The following ATRNL1 variants were observed in gnomAD, a reference collection of about 807,000 sequenced individuals.
The protein encoded by ATRNL1 is attractin like 1, also known as attractin-like protein 1.
Under a neutral mutation model 182.7 loss-of-function variants are expected in ATRNL1, and 95 were observed. That is an observed-to-expected ratio of 0.52 (90% CI 0.44 to 0.62). ATRNL1 has a LOEUF of 0.62. Ranked by LOEUF, ATRNL1 falls within the 20% of genes least tolerant of loss-of-function variation. ATRNL1 has a pLI of 0.00. For missense variants in ATRNL1, 1,471 were observed against 1,679.5 expected, an observed-to-expected ratio of 0.88 and a Z score of 2.17; for synonymous variants, 576 against 568.3, an observed-to-expected ratio of 1.01 and a Z score of -0.19.
chr10:115,581,061 T>C (rs1384517176), intron 26 of ATRNL1, among the ~76,000 whole-genome samples: 6 of 152,156 alleles, frequency 3.9e-5, no homozygotes, highest in Admixed American at 2.0e-4. Context: ...CTTGGTTTTT[T>C]ATTCGGAGCA....
intron 26 of ATRNL1, among the ~76,000 whole-genome samples, chr10:115,593,700 C>G (rs2133924005): frequency 6.6e-6 from 1 of 152,240 alleles, no homozygotes; most frequent in Non-Finnish European, 1.5e-5. Context: ...CAATACATCT[C>G]TATTTTAATG....
chr10:115,437,293 T>C (rs1554964948), intron 21 of ATRNL1, among the ~76,000 whole-genome samples: 1 of 152,056 alleles, frequency 6.6e-6, no homozygotes, highest in South Asian at 2.1e-4. Context: ...ACATGTAAGA[T>C]ACGGTCTTTA....
At chr10:115,621,276 T>TATATATATATATATAGAGAGAGAG (rs1268020830) in intron 26 of ATRNL1, among the ~76,000 whole-genome samples, 6 of 47,578 alleles carry the variant, frequency 1.3e-4, no homozygotes, top group African/African-American at 2.9e-4. Flanking sequence ...TATATATATA[T>TATATATATATATATAGAGAGAGAG]AGAGAGAGAG....
chr10:115,363,539 A>C (rs1243543645), intron 19 of ATRNL1, among the ~76,000 whole-genome samples: 6 of 145,138 alleles, frequency 4.1e-5, no homozygotes, highest in Non-Finnish European at 9.1e-5. Flanking sequence ...CCCATTTGTC[A>C]ATTTTGTCTT....
intron 19 of ATRNL1, among the ~76,000 whole-genome samples, chr10:115,388,846 T>A (rs547077112): frequency 6.6e-6 from 1 of 152,246 alleles, no homozygotes; most frequent in Non-Finnish European, 1.5e-5. Flanking sequence ...TAATTATATG[T>A]ATTATATGTT....
intron 4 of ATRNL1, among the ~76,000 whole-genome samples, 168 bp downstream of exon 4, chr10:115,127,889 A>C (rs1174607910): frequency 6.6e-6 from 1 of 152,186 alleles, no homozygotes; most frequent in Non-Finnish European, 1.5e-5. Context: ...AATCTTAATA[A>C]TATGCCACAA....
At chr10:115,176,518 AT>A (rs202232046) in intron 8 of ATRNL1, among the ~76,000 whole-genome samples, 1 of 152,098 alleles carries the variant, frequency 6.6e-6, no homozygotes, top group Non-Finnish European at 1.5e-5. Flanking sequence ...GATCTGTTGG[AT>A]TTTTTAAAAA....
chr10:115,461,635 A>G lies in ATRNL1; in HGVS notation c.3323-306A>G, dbSNP rs190691147. Among the ~76,000 whole-genome samples, 356 of 152,196 alleles carry G rather than the reference A, an allele frequency of 2.3e-3. 1 individual carries two copies. The highest frequency in any genetic ancestry group is 8.0e-3 in the African/African-American group (331 of 41,586). Reference sequence around the variant, plus strand: ...TGTATTTCCTTCTAGTTATAAAATTATAGATAATTTTTATTTTATTCACTT... The same window carrying G: ...TGTATTTCCTTCTAGTTATAAAATTGTAGATAATTTTTATTTTATTCACTT... On this transcript the variant is annotated intron_variant, in intron 21 of 28. Transcript: ENST00000355044.
At chr10:115,661,748 G>C (rs908595946) in intron 26 of ATRNL1, among the ~76,000 whole-genome samples, 1 of 151,354 alleles carries the variant, frequency 6.6e-6, no homozygotes. Context: ...ATGCTATGGA[G>C]CTTGGCTGTG....
chr10:115,328,380 A>G lies in ATRNL1; in HGVS notation c.3038-5902A>G, dbSNP rs1271750426. Among the ~76,000 whole-genome samples, 3 of 152,162 alleles carry G rather than the reference A, an allele frequency of 2.0e-5. No individual in the cohort carries two copies. In the East Asian group the frequency reaches 5.8e-4, roughly 29 times the overall value. ...GTATATGTTGTATAATGGTCGAATC[A>G]TGGTAATTAACATATCTATTACCTT... On this transcript the variant is annotated intron_variant, in intron 18 of 28. Coordinates refer to ENST00000355044, the MANE Select transcript of ATRNL1 (RefSeq NM_207303.4).
intron 25 of ATRNL1, among the ~76,000 whole-genome samples, chr10:115,539,985 TG>T (rs1565148113): frequency 2.1e-5 from 1 of 48,526 alleles, no homozygotes; most frequent in African/African-American, 8.4e-5. Context: ...TGTTATGGGG[TG>T]GGGGGAGGGG....
Position 115,121,739 on chromosome 10 carries a change from A to G in ATRNL1, c.418A>G (p.Thr140Ala). 2 of 1,572,314 alleles carry G rather than the reference A, an allele frequency of 1.3e-6. No homozygotes were observed. The highest frequency in any genetic ancestry group is 1.7e-6 in the Non-Finnish European group (2 of 1,157,312). The change falls in exon 3 of 29, where the codon ACA becomes GCA. Residue 140 changes from threonine (T) to alanine (A), a missense_variant. Coordinates refer to ENST00000355044, the MANE Select transcript of ATRNL1 (RefSeq NM_207303.4). ...VLRLRFNHFA[T>A]ECSWDHMYVY... is the part of the protein sequence containing the mutation. ...AAGATTAAGATTCAATCATTTTGCTACAGAATGTAGCTGGGATCATATGTA... is the reference window on the plus strand; with the variant it reads ...AAGATTAAGATTCAATCATTTTGCTGCAGAATGTAGCTGGGATCATATGTA...
chr10:115,536,702 G>A (rs570538749), intron 25 of ATRNL1, among the ~76,000 whole-genome samples: 8 of 152,290 alleles, frequency 5.3e-5, no homozygotes, highest in East Asian at 1.9e-4. Flanking sequence ...CGTCTTCTGC[G>A]TCGCTCATGC....
chr10:115,654,831 G>A (rs1399320342), intron 26 of ATRNL1, among the ~76,000 whole-genome samples: 1 of 152,140 alleles, frequency 6.6e-6, no homozygotes, highest in Non-Finnish European at 1.5e-5. Flanking sequence ...GAATCTGGAT[G>A]GACTCTAAGA....
At chr10:115,418,924 C>G (rs1554961384) in intron 20 of ATRNL1, among the ~76,000 whole-genome samples, 1 of 151,994 alleles carries the variant, frequency 6.6e-6, no homozygotes, top group East Asian at 1.9e-4. Context: ...GCCACCAGAC[C>G]AATTCTGCAA....
intron 12 of ATRNL1, 23 bp downstream of exon 12, chr10:115,267,028 C>A: frequency 6.5e-7 from 1 of 1,528,302 alleles, no homozygotes; most frequent in South Asian, 1.2e-5. Context: ...TTCTTTTCGT[C>A]TTTGTGGCAG....
chr10:115,338,623 A>G (rs781939142), intron 19 of ATRNL1, among the ~76,000 whole-genome samples: 1 of 152,048 alleles, frequency 6.6e-6, no homozygotes, highest in Non-Finnish European at 1.5e-5. Context: ...TATTTGGGTT[A>G]CTAGTCCTTT....
Position 115,604,533 on chromosome 10 carries a change from CA to C in ATRNL1, c.3795+55000del, listed in dbSNP as rs143222929. On this transcript the variant is annotated intron_variant, in intron 26 of 28. Coordinates refer to ENST00000355044, the MANE Select transcript of ATRNL1 (RefSeq NM_207303.4). ...TGCCTTTTAGGATTTGGTAAAAATT[CA>C]AAGAGATATTTAGAGCTCTTTTTCA... Among the ~76,000 whole-genome samples, 1,488 of 152,196 alleles carry C rather than the reference CA, an allele frequency of 9.8e-3. 18 individuals carry two copies. The highest frequency in any genetic ancestry group is 0.034 in the African/African-American group (1,409 of 41,512).
intron 21 of ATRNL1, among the ~76,000 whole-genome samples, chr10:115,446,795 A>G (rs1847021713): frequency 6.6e-6 from 1 of 151,868 alleles, no homozygotes. Flanking sequence ...CTTTATATCT[A>G]TTTTACCTAT....
Sources: gnomAD v4.1 joint callset for allele counts (sites outside exome capture counted in the v4.1 genomes callset) on GRCh38, gnomAD v4.1.1 for gene constraint, MANE v1.5 for transcripts, NCBI Gene and HGNC (gene_info 2026-07-23, HGNC 2026-07-21) for gene names.